ANO1: variants seen among roughly 807,000 people sequenced by gnomAD.
ANO1 encodes anoctamin 1.
Under a neutral mutation model 124.0 loss-of-function variants are expected in ANO1, and 59 were observed. That is an observed-to-expected ratio of 0.48 (90% CI 0.39 to 0.59). ANO1 has a LOEUF of 0.59. Ranked by LOEUF, ANO1 falls within the 20% of genes least tolerant of loss-of-function variation. The pLI is 0.00. For missense variants in ANO1, 1,059 were observed against 1,328.0 expected (o/e 0.80, Z 3.15); for synonymous variants, 529 against 532.0 (o/e 0.99, Z 0.08).
At chr11:69,978,071 C>A in the ANO1 span, among the ~76,000 whole-genome samples, 1 of 152,152 alleles carries the variant, frequency 6.6e-6, no homozygotes, top group Non-Finnish European at 1.5e-5. Flanking sequence ...TCCCTGGGAA[C>A]TGGCATCCCC....
chr11:70,157,887 G>T (rs983096859), intron 16 of ANO1, among the ~76,000 whole-genome samples: 1 of 151,452 alleles, frequency 6.6e-6, no homozygotes, highest in Admixed American at 6.6e-5. Flanking sequence ...GGCTGTAGTG[G>T]GAGAATTGCT....
intron 1 of ANO1, among the ~76,000 whole-genome samples, chr11:70,043,629 C>T (rs1857213896): frequency 6.6e-6 from 1 of 152,054 alleles, no homozygotes; most frequent in African/African-American, 2.4e-5. Context: ...GCATGCTTCT[C>T]ATCAAAGTAT....
At chr11:70,141,422 C>T (rs1368769124) in intron 11 of ANO1, among the ~76,000 whole-genome samples, 1 of 152,154 alleles carries the variant, frequency 6.6e-6, no homozygotes, top group Non-Finnish European at 1.5e-5. Flanking sequence ...GCTTGTCTCA[C>T]CCCTCCCTAG....
chr11:70,095,410 G>GA (rs756138493), intron 2 of ANO1, among the ~76,000 whole-genome samples: 10,505 of 57,868 alleles, frequency 0.18, 1,490 homozygotes, highest in Admixed American at 0.28. Flanking sequence ...AAGAAAGAAA[G>GA]AAAGAAAGAA....
chr11:70,076,441 T>A (rs571589992), upstream of ANO1, among the ~76,000 whole-genome samples: 7 of 152,032 alleles, frequency 4.6e-5, no homozygotes, highest in East Asian at 1.4e-3. Context: ...CTCTTTTTTT[T>A]TTTTCATGCA....
intron 1 of ANO1, among the ~76,000 whole-genome samples, chr11:70,032,390 A>C (rs1462041177): frequency 6.6e-6 from 1 of 152,126 alleles, no homozygotes; most frequent in Non-Finnish European, 1.5e-5. Context: ...GAAGCTGGGA[A>C]TCTACCTCAA....
rs140355181 is a variant in ANO1, at chr11:70,185,990, T to G, written c.2694+295T>G. On this transcript the variant is annotated intron_variant, in intron 25 of 25. Coordinates refer to ENST00000355303, the MANE Select transcript of ANO1 (RefSeq NM_018043.7). ...GTTTAATCCAGTAGAAGTGTCTTTA[T>G]TGAAAGAGACAGGGGCCAGGCACAG... is the stretch of plus-strand genomic sequence containing the variant. Among the ~76,000 whole-genome samples the G allele has an allele frequency of 3.2e-3, 488 of 152,220 alleles. 9 individuals carry two copies. Among genetic ancestry groups the G allele is most frequent in the Admixed American group, 0.029 (436 of 15,280 alleles).
At position 70,188,149 on chromosome 11, in the gene ANO1, T is replaced by C; in HGVS notation, c.*145T>C. 1.1e-6 allele frequency: 1 copy of C among 935,314 alleles called. No homozygotes were observed. The highest frequency in any genetic ancestry group is 1.6e-6 in the Non-Finnish European group (1 of 644,028). 57.9% of individuals were successfully genotyped at this position (935,314 alleles called of 1,614,324 possible). ...GGAGGACCACTTTCTGATAGGACAT[T>C]TTCCTTTCTTCTTTCTGTTTTCTTT... On this transcript the variant is annotated 3_prime_UTR_variant, in exon 26 of 26. Coordinates refer to ENST00000355303, the MANE Select transcript of ANO1 (RefSeq NM_018043.7).
chr11:70,184,892 G>A (rs1019151918), intron 24 of ANO1, among the ~76,000 whole-genome samples: 4 of 152,062 alleles, frequency 2.6e-5, no homozygotes, highest in African/African-American at 4.8e-5. Context: ...GAATACAGGC[G>A]TGCACTGCCA....
intron 1 of ANO1, among the ~76,000 whole-genome samples, chr11:70,014,157 C>T (rs1290239800): frequency 1.3e-5 from 2 of 150,776 alleles, no homozygotes; most frequent in African/African-American, 5.0e-5. Flanking sequence ...AGAGTTTTAA[C>T]ATATCAACTG....
Position 70,078,599 on chromosome 11 carries a change from C to A in ANO1, c.-8C>A. On this transcript the variant is annotated 5_prime_UTR_variant, in exon 1 of 26. Transcript: ENST00000355303. ...CCGCCCGGCGGTCCCAGCGCACAGG[C>A]GGCCACGATGAGGGTCAACGAGAAG... The A allele has an allele frequency of 6.8e-7, 1 of 1,473,066 alleles. No individual in the cohort carries two copies. The highest frequency in any genetic ancestry group is 9.1e-7 in the Non-Finnish European group (1 of 1,101,106). 91.2% of individuals were successfully genotyped at this position (1,473,066 alleles called of 1,614,324 possible).
At chr11:70,063,458 A>G (rs1212565363) in intron 1 of ANO1, among the ~76,000 whole-genome samples, 4 of 152,134 alleles carry the variant, frequency 2.6e-5, no homozygotes, top group African/African-American at 9.7e-5. Flanking sequence ...GATTAAATTA[A>G]TGTGACTCCA....
chr11:70,134,856 C>T (rs563584609), intron 11 of ANO1, among the ~76,000 whole-genome samples: 3 of 152,246 alleles, frequency 2.0e-5, no homozygotes, highest in Admixed American at 6.5e-5. Flanking sequence ...GGGAAGGGTG[C>T]GGGGCTGTGG....
chr11:70,110,878 G>A (rs768742851), intron 6 of ANO1, among the ~76,000 whole-genome samples: 19 of 152,192 alleles, frequency 1.2e-4, no homozygotes, highest in Admixed American at 2.6e-4. Flanking sequence ...GTCCTCTCTC[G>A]CAGTCTCCTG....
intron 1 of ANO1, among the ~76,000 whole-genome samples, chr11:70,016,787 G>T (rs1856710845): frequency 6.6e-6 from 1 of 152,214 alleles, no homozygotes; most frequent in African/African-American, 2.4e-5. Context: ...CTGCACTCTA[G>T]ACATTGTGGG....
intron 1 of ANO1, among the ~76,000 whole-genome samples, chr11:70,066,761 C>G (rs1284655796): frequency 6.6e-6 from 1 of 152,108 alleles, no homozygotes; most frequent in African/African-American, 2.4e-5. Flanking sequence ...CGTAACTCCA[C>G]GGTGGAGCAA....
At chr11:70,097,063 A>T (rs191289047) in intron 2 of ANO1, among the ~76,000 whole-genome samples, 17 of 152,294 alleles carry the variant, frequency 1.1e-4, no homozygotes, top group Non-Finnish European at 1.6e-4. Flanking sequence ...GGGAGGGTTG[A>T]TCTGAGTAAT....
chr11:70,016,014 T>C (rs1248033244), intron 1 of ANO1, among the ~76,000 whole-genome samples: 2 of 145,734 alleles, frequency 1.4e-5, no homozygotes, highest in Non-Finnish European at 3.0e-5. Flanking sequence ...GGATTTCTTT[T>C]CCTTTCTTTC....
chr11:70,099,494 A>T (rs1391481167), intron 2 of ANO1, among the ~76,000 whole-genome samples: 1 of 152,214 alleles, frequency 6.6e-6, no homozygotes, highest in Non-Finnish European at 1.5e-5. Context: ...AGCAGAGCCC[A>T]GAAATAAATC....
Sources: gnomAD v4.1 joint callset for allele counts (sites outside exome capture counted in the v4.1 genomes callset) on GRCh38, gnomAD v4.1.1 for gene constraint, MANE v1.5 for transcripts, NCBI Gene and HGNC (gene_info 2026-07-23, HGNC 2026-07-21) for gene names.